Variants in PLCB4 observed in about 807,000 individuals in gnomAD.
PLCB4 encodes 1-phosphatidylinositol 4,5-bisphosphate phosphodiesterase beta-4.
Under a neutral mutation model 178.8 loss-of-function variants are expected in PLCB4, and 77 were observed. The ratio of observed to expected loss-of-function variants is 0.43; its 90% CI spans 0.36 to 0.52. The LOEUF is 0.52. Among genes scored for constraint, PLCB4 ranks in the 20% least tolerant of loss-of-function variants. The pLI is 0.00. For synonymous variants in PLCB4, 496 were observed against 490.8 expected (o/e 1.01, Z -0.14); for missense variants, 1,024 against 1,453.4 (o/e 0.70, Z 4.80).
chr20:9,399,876 T>G (rs2038899509), intron 19 of PLCB4, among the ~76,000 whole-genome samples: 1 of 152,234 alleles, frequency 6.6e-6, no homozygotes, highest in Admixed American at 6.5e-5. Flanking sequence ...GGTTACTGAC[T>G]GTAGGTCATG....
At chr20:9,465,571 G>A (rs1247819763) in intron 35 of PLCB4, among the ~76,000 whole-genome samples, 1 of 152,170 alleles carries the variant, frequency 6.6e-6, no homozygotes, top group Non-Finnish European at 1.5e-5. Context: ...AAGCTGATAA[G>A]CAACTTCAGC....
At chr20:9,407,408 T>C (rs1272057167) in intron 21 of PLCB4, among the ~76,000 whole-genome samples, 3 of 151,834 alleles carry the variant, frequency 2.0e-5, no homozygotes, top group Non-Finnish European at 2.9e-5. Flanking sequence ...CTTGCTCTGT[T>C]GCCTGGTCTG....
rs759458106 is a variant in PLCB4 at position 9,421,362 on chromosome 20, G to T, written c.2220G>T (p.Gly740=). ...CCTACGTAGAGGTGGATATGTATGG[G>T]TTGCCCACTGACACCATACGTAAGG... is the stretch of plus-strand genomic sequence containing the variant. ...IGTYVEVDMY[G]LPTDTIRKEF... is the part of the protein sequence containing the mutation. Residue 740 remains glycine (G), a synonymous_variant, in exon 27 of 40, where the codon GGG becomes GGT. Transcript: ENST00000378473. The T allele has an allele frequency of 6.2e-7, 1 of 1,612,798 alleles. No individual in the cohort carries two copies. The highest frequency in any genetic ancestry group is 2.2e-5 in the East Asian group (1 of 44,870).
chr20:9,476,058 T>TC (rs2044519208), intron 38 of PLCB4, among the ~76,000 whole-genome samples: 4 of 152,196 alleles, frequency 2.6e-5, no homozygotes, highest in Admixed American at 6.5e-5. Context: ...CTACTCCTAA[T>TC]CGGTGTCCCA....
chr20:9,395,232 A>C (rs2038476175), intron 18 of PLCB4, among the ~76,000 whole-genome samples: 1 of 152,128 alleles, frequency 6.6e-6, no homozygotes, highest in South Asian at 2.1e-4. Context: ...CTTCACGAGG[A>C]CTGAACCTCC....
intron 2 of PLCB4, among the ~76,000 whole-genome samples, chr20:9,195,755 C>A (rs569188711): frequency 2.0e-5 from 3 of 152,182 alleles, no homozygotes; most frequent in African/African-American, 4.8e-5. Context: ...TCTTGGCCTC[C>A]CTAACTGCAT....
chr20:9,214,983 G>C (rs1018620409), intron 2 of PLCB4, among the ~76,000 whole-genome samples: 1 of 152,142 alleles, frequency 6.6e-6, no homozygotes, highest in Non-Finnish European at 1.5e-5. Flanking sequence ...CTTTGATTAC[G>C]AAATGACTTG....
At chr20:9,150,338 TA>T (rs1170365440) in intron 2 of PLCB4, among the ~76,000 whole-genome samples, 1 of 152,166 alleles carries the variant, frequency 6.6e-6, no homozygotes, top group Non-Finnish European at 1.5e-5. Context: ...TTCTTCTCCA[TA>T]ACCCAGTCCT....
intron 28 of PLCB4, among the ~76,000 whole-genome samples, chr20:9,431,617 C>G (rs1427129430): frequency 1.3e-5 from 2 of 151,160 alleles, no homozygotes; most frequent in Non-Finnish European, 2.9e-5. Flanking sequence ...AGGTGTGCAC[C>G]ACCACACGGG....
In PLCB4 at chr20:9,365,181, CA is replaced by C. The variant is rs1046076528; in HGVS notation, c.450-275del. On this transcript the variant is annotated intron_variant, in intron 8 of 39. Transcript: ENST00000378473. Reference sequence around the variant, plus strand: ...TTAAATATGAATTTTAGATAAGAAACAAAAATATTTTAGTATAAGTATATCC... The same window carrying C: ...TTAAATATGAATTTTAGATAAGAAACAAAATATTTTAGTATAAGTATATCC... Among the ~76,000 whole-genome samples, 50 of 151,972 alleles carry C rather than the reference CA, an allele frequency of 3.3e-4. 1 individual carries two copies. The highest frequency in any genetic ancestry group is 1.0e-3 in the African/African-American group (42 of 41,368).
intron 2 of PLCB4, among the ~76,000 whole-genome samples, chr20:9,106,493 C>A (rs1005917708): frequency 7.9e-5 from 12 of 150,990 alleles, no homozygotes; most frequent in East Asian, 3.9e-4. Context: ...AGCCAGAAAT[C>A]AAAAATCACA....
At chr20:9,383,599 A>G (rs1403228353) in intron 13 of PLCB4, among the ~76,000 whole-genome samples, 1 of 152,214 alleles carries the variant, frequency 6.6e-6, no homozygotes, top group Non-Finnish European at 1.5e-5. Context: ...CGTTTCAATG[A>G]CCACTGTATA....
At chr20:9,303,802 A>G (rs1040161868) in intron 3 of PLCB4, among the ~76,000 whole-genome samples, 4 of 152,192 alleles carry the variant, frequency 2.6e-5, no homozygotes, top group African/African-American at 9.6e-5. Flanking sequence ...TGGCTGTAGT[A>G]ATTTAAGCCA....
At chr20:9,437,584 TTGGTTTCCATA>T (rs1433600519) in intron 30 of PLCB4, among the ~76,000 whole-genome samples, 2 of 152,184 alleles carry the variant, frequency 1.3e-5, no homozygotes, top group African/African-American at 2.4e-5. Context: ...GTTATTTTAA[TTGGTTTCCATA>T]TGAATTGGCC....
intron 1 of PLCB4, among the ~76,000 whole-genome samples, chr20:9,085,449 A>G (rs6086767): frequency 0.48 from 73,232 of 152,062 alleles, 18,219 homozygotes; most frequent in Middle Eastern, 0.57. Context: ...ACTAATATGT[A>G]AGATGAGGAC....
At chr20:9,178,919 T>C (rs2093199487) in intron 2 of PLCB4, among the ~76,000 whole-genome samples, 1 of 152,182 alleles carries the variant, frequency 6.6e-6, no homozygotes, top group Non-Finnish European at 1.5e-5. Flanking sequence ...TAAATAATTT[T>C]GGTGTTTACA....
intron 14 of PLCB4, 86 bp from the exon 15 acceptor site, chr20:9,387,377 C>T: frequency 1.5e-6 from 1 of 681,130 alleles, no homozygotes. Context: ...TGGAAGAAAA[C>T]AACTTATTTT....
intron 4 of PLCB4, among the ~76,000 whole-genome samples, chr20:9,317,753 C>T (rs548217385): frequency 4.1e-4 from 62 of 152,222 alleles, no homozygotes; most frequent in Admixed American, 7.2e-4. Flanking sequence ...AGTGTAAGCA[C>T]CTAGGGGTTC....
chr20:9,279,459 C>T (rs895057242), intron 3 of PLCB4, among the ~76,000 whole-genome samples: 1 of 151,716 alleles, frequency 6.6e-6, no homozygotes. Context: ...TTGAGCCAGA[C>T]ATCAAAGGAC....
Sources: allele counts gnomAD v4.1 joint callset (sites outside exome capture counted in the v4.1 genomes callset), GRCh38; gene constraint gnomAD v4.1.1; transcripts MANE v1.5; gene names NCBI Gene and HGNC (gene_info 2026-07-23, HGNC 2026-07-21).